Variants in MROH2A observed in about 807,000 individuals in gnomAD.
The protein encoded by MROH2A is maestro heat-like repeat-containing protein family member 2A.
Under a neutral mutation model 200.4 loss-of-function variants are expected in MROH2A, and 174 were observed. That is an observed-to-expected ratio of 0.87 (90% CI 0.77 to 0.98). The LOEUF is 0.98. MROH2A is among the 50% of genes least tolerant of loss of function. The pLI, the probability that MROH2A is intolerant of heterozygous loss-of-function variation, is 0.00. For synonymous variants in MROH2A, 829 were observed against 840.4 expected (o/e 0.99, Z 0.23); for missense variants, 2,045 against 2,139.6 (o/e 0.96, Z 0.87).
intron 26 of MROH2A, among the ~76,000 whole-genome samples, chr2:233,816,464 T>C (rs1703538069): frequency 6.6e-6 from 1 of 152,268 alleles, no homozygotes; most frequent in African/African-American, 2.4e-5. Flanking sequence ...TCATTTGCTC[T>C]AAAATGAACT....
intron 37 of MROH2A, among the ~76,000 whole-genome samples, chr2:233,829,330 G>T (rs7419343): frequency 6.6e-6 from 1 of 151,820 alleles, no homozygotes; most frequent in African/African-American, 2.4e-5. Context: ...ATTCCTTGCA[G>T]CTACAAATAC....
At chr2:233,791,827 G>A (rs1361407129) in intron 5 of MROH2A, among the ~76,000 whole-genome samples, 1 of 152,036 alleles carries the variant, frequency 6.6e-6, no homozygotes, top group Non-Finnish European at 1.5e-5. Context: ...GGCTTGCTGG[G>A]GATAAAGGCC....
chr2:233,780,728 T>A (rs977387663), intron 3 of MROH2A, among the ~76,000 whole-genome samples: 1 of 152,222 alleles, frequency 6.6e-6, no homozygotes, highest in East Asian at 1.9e-4. Flanking sequence ...CATTTCTTTG[T>A]GTTGCAAGCA....
intron 3 of MROH2A, 27 bp from the exon 4 acceptor site, chr2:233,789,470 A>G (rs1486489616): frequency 7.2e-7 from 1 of 1,388,266 alleles, no homozygotes; most frequent in Non-Finnish European, 9.4e-7. Context: ...GGTGAGGTCC[A>G]TTCCACCCAC....
Position 233,823,625 on chromosome 2 carries a change from A to G in MROH2A, c.4074A>G (p.Ser1358=), listed in dbSNP as rs1437373668. The change falls in exon 35 of 42, where the codon TCA becomes TCG. Residue 1358 remains serine (S), a synonymous_variant. Transcript: ENST00000389758. ...AGCTGGTGCTCAGGGGCATGGACTCAGAAGTCCTGAGCTGCCGCATCAGCA... is the reference window on the plus strand; with the variant it reads ...AGCTGGTGCTCAGGGGCATGGACTCGGAAGTCCTGAGCTGCCGCATCAGCA... ...LAELVLRGMD[S]EVLSCRISST... 3 of 1,550,516 alleles carry G rather than the reference A, an allele frequency of 1.9e-6. No individual in the cohort carries two copies. The highest frequency in any genetic ancestry group is 4.9e-5 in the East Asian group (2 of 40,914).
Position 233,795,549 on chromosome 2 carries a change from ATGCTGG to A in MROH2A, c.967-99_967-94del. On this transcript the variant is annotated intron_variant, in intron 8 of 41. Coordinates refer to ENST00000389758, the MANE Select transcript of MROH2A (RefSeq NM_001394639.1). ...TGCATTTCTAATCAGCTCCCAGGGA[ATGCTGG>A]TGCTCAGTGGGTCAGTGGGCCCCTG... 21 of 1,512,088 alleles carry A rather than the reference ATGCTGG, an allele frequency of 1.4e-5. No homozygotes were observed. In the South Asian group the frequency reaches 2.3e-4, roughly 17 times the overall value. The allele number at this position is 1,512,088 out of a possible 1,614,324, so 93.7% of individuals were successfully genotyped here.
rs1702101257 is a variant in MROH2A, at chr2:233,796,253, A to G, written c.1192A>G (p.Asn398Asp). The change falls in exon 11 of 42, where the codon AAC becomes GAC. Residue 398 changes from asparagine to aspartate, a missense_variant. By Grantham distance (23) the Asn-to-Asp change is conservative (BLOSUM62 1). Coordinates refer to ENST00000389758, the MANE Select transcript of MROH2A (RefSeq NM_001394639.1). ...GTTCTTCTTCAGCCAGATGGAGACA[A>G]ACAAGGAGGCCGTCCGCGTGGGGAC... ...MKFFFSQMET[N>D]KEAVRVGTLN... 1.3e-6 allele frequency: 2 copies of G among 1,485,302 alleles called. No homozygotes were observed. 92.0% of individuals were successfully genotyped at this position (1,485,302 alleles called of 1,614,324 possible).
At position 233,809,256 on chromosome 2, in the gene MROH2A, A is replaced by C; in HGVS notation, c.2426A>C (p.His809Pro). Residue 809 changes from histidine to proline, a missense_variant, in exon 22 of 42, where the codon CAC (histidine) becomes CCC (proline). By Grantham distance (77) the His-to-Pro change is moderately conservative (BLOSUM62 -2). Transcript: ENST00000389758. ...VDSPITAKII[H>P]HYVSSCQDIC... ...AGCCCCATCACCGCTAAGATCATTC[A>C]CCATTATGTCAGCAGCTGCCAGGTA... is the stretch of plus-strand genomic sequence containing the variant. 1 of 1,550,372 alleles carries C rather than the reference A, an allele frequency of 6.5e-7. No individual in the cohort carries two copies. Among genetic ancestry groups the C allele is most frequent in the Non-Finnish European group, 8.7e-7 (1 of 1,146,882 alleles).
At chr2:233,804,364 G>T (rs1206762641) in intron 17 of MROH2A, 131 bp from the exon 18 acceptor site, 1 of 1,309,986 alleles carries the variant, frequency 7.6e-7, no homozygotes, top group Non-Finnish European at 1.1e-6. Context: ...GGAGTGCAAT[G>T]CAACGTGTGA....
rs1702524822 is a variant in MROH2A at position 233,802,318 on chromosome 2, G to A, written c.1708+3G>A. On this transcript the variant is annotated splice_donor_region_variant and intron_variant, in intron 15 of 41. Coordinates refer to ENST00000389758, the MANE Select transcript of MROH2A (RefSeq NM_001394639.1). Reference sequence around the variant, plus strand: ...CGTGGCTGGCAAGAGCAGGCAAGGTGGGCAAAGTTCCTGTCCAGCTGATTG... The same window carrying A: ...CGTGGCTGGCAAGAGCAGGCAAGGTAGGCAAAGTTCCTGTCCAGCTGATTG... The A allele has an allele frequency of 1.3e-6, 2 of 1,548,514 alleles. No individual in the cohort carries two copies. The highest frequency in any genetic ancestry group is 1.7e-6 in the Non-Finnish European group (2 of 1,146,010).
rs28900972 is a variant in MROH2A, at chr2:233,816,296, T to C, written c.2857-485T>C. On this transcript the variant is annotated intron_variant, in intron 26 of 41. Transcript: ENST00000389758. Reference sequence around the variant, plus strand: ...AAAAGGCACTGAAATCTCTGACTAATAGTGTGAACTTGTTTATTTCTCCTT... The same window carrying C: ...AAAAGGCACTGAAATCTCTGACTAACAGTGTGAACTTGTTTATTTCTCCTT... Among the ~76,000 whole-genome samples, 2,364 of 152,366 alleles carry C rather than the reference T, an allele frequency of 0.016. 130 individuals are homozygous for C. The East Asian group carries it at 0.2, about 13-fold the overall frequency.
At chr2:233,817,408 A>T (rs952812281) in intron 27 of MROH2A, among the ~76,000 whole-genome samples, 16 of 151,946 alleles carry the variant, frequency 1.1e-4, no homozygotes, top group Non-Finnish European at 2.1e-4. Flanking sequence ...GGGCGCAGGG[A>T]TGGGCGTCTG....
chr2:233,784,298 A>C (rs531241711), intron 3 of MROH2A, among the ~76,000 whole-genome samples: 5 of 152,242 alleles, frequency 3.3e-5, no homozygotes, highest in Non-Finnish European at 5.9e-5. Flanking sequence ...TTATTGAACC[A>C]GTGGTCATCC....
chr2:233,815,126 C>A (rs1703428568), intron 26 of MROH2A, among the ~76,000 whole-genome samples: 1 of 152,186 alleles, frequency 6.6e-6, no homozygotes, highest in Non-Finnish European at 1.5e-5. Context: ...AGGATATAAT[C>A]CAGATTAGGC....
rs1244182173 is a variant in MROH2A, at chr2:233,811,944, C to T, written c.2636C>T (p.Ala879Val). 6 of 1,549,602 alleles carry T rather than the reference C, an allele frequency of 3.9e-6. No homozygotes were observed. The highest frequency in any genetic ancestry group is 2.7e-5 in the African/African-American group (2 of 73,112). The change falls in exon 24 of 42, where the codon GCC (alanine) becomes GTC (valine). Residue 879 changes from alanine (A) to valine (V), a missense_variant. Physicochemically the swap from Ala to Val is moderately conservative, Grantham distance 64 (BLOSUM62 0). Around this residue, in one of 3 missense-constraint regions of MROH2A, gnomAD observed 1,201 missense variants for 1,311.3 expected, o/e 0.92. Transcript: ENST00000389758. ...CCAGTGCGAGCCTTGGCGATGGAGG[C>T]CCTCTCGCACCTGAGGTGAGCTGGG... ...VSPVRALAME[A>V]LSHLSKLKPF...
chr2:233,793,908 C>CGTCG, intron 7 of MROH2A, 84 bp downstream of exon 7: 1 of 1,276,234 alleles, frequency 7.8e-7, no homozygotes, highest in Non-Finnish European at 1.0e-6. Flanking sequence ...GCTGAGGGAC[C>CGTCG]GTCGGGTCCA....
intron 30 of MROH2A, 77 bp downstream of exon 30, chr2:233,819,546 G>A (rs2124850547): frequency 1.4e-6 from 2 of 1,425,198 alleles, no homozygotes; most frequent in East Asian, 5.0e-5. Flanking sequence ...GGAAGGACGA[G>A]GGCCTCACCA....
intron 24 of MROH2A, 118 bp downstream of exon 24, chr2:233,812,077 G>A (rs1361469021): frequency 2.7e-6 from 2 of 728,180 alleles, no homozygotes; most frequent in African/African-American, 3.5e-5. Context: ...TGTAGCAGGG[G>A]TCTCACTTGG....
intron 8 of MROH2A, among the ~76,000 whole-genome samples, chr2:233,794,707 G>T (rs1333544857): frequency 1.3e-5 from 2 of 152,204 alleles, no homozygotes; most frequent in African/African-American, 4.8e-5. Flanking sequence ...TGCCCTTCCG[G>T]GTGGAAGGGA....
Sources: allele counts gnomAD v4.1 joint callset (sites outside exome capture counted in the v4.1 genomes callset), GRCh38; gene constraint gnomAD v4.1.1; regional missense constraint gnomAD v4.1.1; transcripts MANE v1.5; gene names NCBI Gene and HGNC (gene_info 2026-07-23, HGNC 2026-07-21).